The following NRIP3 variants were observed in gnomAD, a reference collection of about 807,000 sequenced individuals.
NRIP3 encodes the protein nuclear receptor interacting protein 3, also known as nuclear receptor-interacting protein 3.
NRIP3 carries 31 observed loss-of-function variants against 29.0 expected under a neutral mutation model. That is an observed-to-expected ratio of 1.07 (90% confidence interval 0.80 to 1.44). The LOEUF (loss-of-function observed/expected upper bound fraction) is 1.44, where lower values mean the gene tolerates loss of function less well. NRIP3 is among the 40% of genes most tolerant of loss of function. NRIP3 has a pLI of 0.00. For missense variants in NRIP3, 314 were observed against 297.9 expected (o/e 1.05, Z -0.40); for synonymous variants, 131 against 118.3 (o/e 1.11, Z -0.70).
At chr11:8,994,910 C>CA (rs781405928) in intron 1 of NRIP3, among the ~76,000 whole-genome samples, 2 of 152,224 alleles carry the variant, frequency 1.3e-5, no homozygotes, top group Non-Finnish European at 2.9e-5. Context: ...GACTCTATCT[C>CA]ATGTCCAGAT....
chr11:9,003,710 C>T (rs988335559), intron 1 of NRIP3, 52 bp downstream of exon 1: 4 of 1,356,014 alleles, frequency 2.9e-6, no homozygotes, highest in Admixed American at 3.8e-5. Flanking sequence ...CCTCGGAAAA[C>T]GGCGGGCGCG....
In NRIP3 at chr11:8,991,694, G is replaced by C. The variant is rs540257339; in HGVS notation, c.175-3412C>G. On this transcript the variant is annotated intron_variant, in intron 1 of 6. Coordinates refer to ENST00000309166, the MANE Select transcript of NRIP3 (RefSeq NM_020645.3). ...GCTTTATACCATTTCACTTCACAGA[G>C]AGCTGAAGCAGCAGAGGCTGCCAGT... Among the ~76,000 whole-genome samples, 7 of 152,342 alleles carry C rather than the reference G, an allele frequency of 4.6e-5. No individual in the cohort carries two copies. The East Asian group carries it at 1.3e-3, about 29-fold the overall frequency.
chr11:8,994,448 T>C (rs1431919272), intron 1 of NRIP3, among the ~76,000 whole-genome samples: 1 of 152,236 alleles, frequency 6.6e-6, no homozygotes, highest in Non-Finnish European at 1.5e-5. Context: ...TAACAGTGTC[T>C]GCCAGATGCA....
rs955123294 is a variant in NRIP3 at position 8,982,135 on chromosome 11, A to G, written c.*1410T>C. The G allele has an allele frequency of 2.0e-5, 3 of 152,242 alleles. No homozygotes were observed. Among genetic ancestry groups the G allele is most frequent in the Non-Finnish European group, 4.4e-5 (3 of 68,058 alleles). 9.4% of individuals were successfully genotyped at this position (152,242 alleles called of 1,614,324 possible). A position where few individuals can be genotyped will look rare whatever the true frequency, so the allele number is the denominator to read the frequency against. On this transcript the variant is annotated 3_prime_UTR_variant, in exon 7 of 7. Coordinates refer to ENST00000309166, the MANE Select transcript of NRIP3 (RefSeq NM_020645.3). ...TTTTCTGACTTGTCCAAGCACTTCT[A>G]TGACCAAACTGAAGGGGAGATTCCA... is the stretch of plus-strand genomic sequence containing the variant.
chr11:8,994,918 G>A (rs550465492), intron 1 of NRIP3, among the ~76,000 whole-genome samples: 2 of 152,286 alleles, frequency 1.3e-5, no homozygotes, highest in African/African-American at 4.8e-5. Context: ...CTCATGTCCA[G>A]ATGTCACCTC....
intron 1 of NRIP3, among the ~76,000 whole-genome samples, chr11:9,000,652 A>G (rs542784452): frequency 4.1e-4 from 62 of 152,328 alleles, no homozygotes; most frequent in Non-Finnish European, 6.5e-4. Flanking sequence ...CTGTTTTTAA[A>G]AATTAAAAAG....
chr11:8,986,641 G>A (rs1854526176), intron 3 of NRIP3, among the ~76,000 whole-genome samples: 1 of 152,166 alleles, frequency 6.6e-6, no homozygotes, highest in Non-Finnish European at 1.5e-5. Context: ...TGGAATCATG[G>A]CAGTCTGCTG....
chr11:8,985,974 A>G lies in NRIP3; in HGVS notation c.423-124T>C, dbSNP rs1433008236. ...ATCTCCTGGGATTAATCTACCGAAAAGTGCTAGCCATCCTACATATGTTGT... is the reference window on the plus strand; with the variant it reads ...ATCTCCTGGGATTAATCTACCGAAAGGTGCTAGCCATCCTACATATGTTGT... On this transcript the variant is annotated intron_variant, in intron 3 of 6. Coordinates refer to ENST00000309166, the MANE Select transcript of NRIP3 (RefSeq NM_020645.3). 30 of 1,121,456 alleles carry G rather than the reference A, an allele frequency of 2.7e-5. No individual in the cohort carries two copies. In the East Asian group the frequency reaches 7.1e-4, roughly 27 times the overall value. 69.5% of individuals were successfully genotyped at this position (1,121,456 alleles called of 1,614,324 possible).
At chr11:8,988,077 C>T in intron 2 of NRIP3, 41 bp downstream of exon 2, 1 of 1,601,572 alleles carries the variant, frequency 6.2e-7, no homozygotes, top group East Asian at 2.2e-5. Flanking sequence ...CCACATCCTA[C>T]TTTCCAGAAA....
At chr11:9,004,088 A>C, upstream of NRIP3, 1 of 619,976 alleles carries the variant, frequency 1.6e-6, no homozygotes, top group Non-Finnish European at 2.5e-6. Context: ...CGGGGCCGGC[A>C]CAGAGTCCAC....
At position 8,997,380 on chromosome 11, in the gene NRIP3, A is replaced by G. The variant is rs932977836; in HGVS notation, c.174+6382T>C. 4.1e-5 allele frequency among the ~76,000 whole-genome samples: 6 copies of G among 146,458 alleles called. No individual in the cohort carries two copies. In the East Asian group the frequency reaches 8.1e-4, roughly 20 times the overall value. On this transcript the variant is annotated intron_variant, in intron 1 of 6. Transcript: ENST00000309166. ...CAAAAAAAAAAAAAAAAAAAAAAAG[A>G]AAGAAAAAAGGATACACAGTACTAA...
intron 1 of NRIP3, among the ~76,000 whole-genome samples, chr11:8,988,795 C>CAGAT (rs1479058889): frequency 6.6e-6 from 1 of 152,226 alleles, no homozygotes; most frequent in Non-Finnish European, 1.5e-5. Flanking sequence ...TCTTATCTTT[C>CAGAT]AGATGCAGCC....
intron 1 of NRIP3, among the ~76,000 whole-genome samples, chr11:8,993,506 T>C (rs2134920608): frequency 6.6e-6 from 1 of 152,208 alleles, no homozygotes; most frequent in South Asian, 2.1e-4. Context: ...TAAGTTTTTA[T>C]CCATTATAAT....
chr11:8,987,013 G>A lies in NRIP3; in HGVS notation c.422+535C>T, dbSNP rs1854530965. ...AGCCTGGGCAACACAGTGAGGCTCC[G>A]CCACACAAAACAAACAAAAGAAACT... On this transcript the variant is annotated intron_variant, in intron 3 of 6. Transcript: ENST00000309166. Among the ~76,000 whole-genome samples the A allele has an allele frequency of 2.0e-5, 3 of 152,254 alleles. 1 individual carries two copies. The Middle Eastern group carries it at 0.01, about 518-fold the overall frequency.
intron 1 of NRIP3, among the ~76,000 whole-genome samples, chr11:8,989,312 TTAAAATCCCTCAAAGGAGAGTGTTTAACC>T (rs1043944162): frequency 3.9e-5 from 6 of 152,224 alleles, no homozygotes; most frequent in African/African-American, 4.8e-5. Flanking sequence ...ACAATACCAT[TTAAAATCCCTCAAAGGAGAGTGTTTAACC>T]TAAAATCCCT....
At chr11:9,000,459 A>C (rs930974868) in intron 1 of NRIP3, among the ~76,000 whole-genome samples, 1 of 152,218 alleles carries the variant, frequency 6.6e-6, no homozygotes, top group Non-Finnish European at 1.5e-5. Flanking sequence ...ACTGTGTTCA[A>C]CCATCTTTCC....
chr11:8,987,384 C>T (rs1447702047), intron 3 of NRIP3, among the ~76,000 whole-genome samples, 164 bp downstream of exon 3: 1 of 152,172 alleles, frequency 6.6e-6, no homozygotes, highest in African/African-American at 2.4e-5. Context: ...GGATAACCCA[C>T]TACTCCTCCC....
At chr11:9,001,752 G>A (rs529152495) in intron 1 of NRIP3, among the ~76,000 whole-genome samples, 3 of 151,812 alleles carry the variant, frequency 2.0e-5, no homozygotes, top group South Asian at 4.2e-4. Flanking sequence ...CCTCACCCCA[G>A]CGCTTGCGGC....
Position 8,984,067 on chromosome 11 carries a change from C to A in NRIP3, c.615+5G>T, listed in dbSNP as rs575352285. The A allele has an allele frequency of 3.7e-6, 6 of 1,612,540 alleles. No homozygotes were observed. The highest frequency in any genetic ancestry group is 5.1e-6 in the Non-Finnish European group (6 of 1,178,692). On this transcript the variant is annotated splice_donor_5th_base_variant and intron_variant, in intron 5 of 6. Coordinates refer to ENST00000309166, the MANE Select transcript of NRIP3 (RefSeq NM_020645.3). ...GTATCAAGGGGTAAGTGGAGTCAAT[C>A]TTACCTTCAGAGATCGGAGAGTCTG...
Sources: allele counts gnomAD v4.1 joint callset (sites outside exome capture counted in the v4.1 genomes callset), GRCh38; gene constraint gnomAD v4.1.1; transcripts MANE v1.5; gene names NCBI Gene and HGNC (gene_info 2026-07-23, HGNC 2026-07-21).